The following DUSP15 variants were observed in gnomAD, a reference collection of about 807,000 sequenced individuals.
DUSP15 encodes the protein dual specificity phosphatase 15.
Under a neutral mutation model 26.3 loss-of-function variants are expected in DUSP15, and 23 were observed. The ratio of observed to expected loss-of-function variants is 0.87; its 90% CI spans 0.63 to 1.24. The LOEUF (loss-of-function observed/expected upper bound fraction) is 1.24. DUSP15 is among the 50% of genes most tolerant of loss of function. The probability of loss-of-function intolerance (pLI) is 0.00; values close to 1 mark genes in which losing one functional copy is unlikely to be tolerated. For synonymous variants in DUSP15, 143 were observed against 135.5 expected, an observed-to-expected ratio of 1.06 and a Z score of -0.39; for missense variants, 364 against 320.6, an observed-to-expected ratio of 1.14 and a Z score of -1.03.
At chr20:31,854,513 G>A (rs1365549439) in intron 6 of DUSP15, among the ~76,000 whole-genome samples, 1 of 152,178 alleles carries the variant, frequency 6.6e-6, no homozygotes, top group Non-Finnish European at 1.5e-5. Flanking sequence ...GACTAGAGGT[G>A]TATTGGTTTT....
At chr20:31,863,827 C>T in intron 5 of DUSP15, 80 bp downstream of exon 5, 1 of 1,419,918 alleles carries the variant, frequency 7.0e-7, no homozygotes, top group Non-Finnish European at 9.9e-7. Flanking sequence ...GTCCAACCTT[C>T]CCACAGGGGG....
chr20:31,869,220 G>T (rs2062850443), intron 2 of DUSP15, among the ~76,000 whole-genome samples: 1 of 152,240 alleles, frequency 6.6e-6, no homozygotes, highest in African/African-American at 2.4e-5. Flanking sequence ...TGAGGAGGAG[G>T]CTGAGGCTTA....
In DUSP15 at chr20:31,861,592, C is replaced by A. The variant is rs761499083; in HGVS notation, c.519G>T (p.Lys173Asn). 2.0e-6 allele frequency: 3 copies of A among 1,493,430 alleles called. No individual in the cohort carries two copies. Among genetic ancestry groups the A allele is most frequent in the South Asian group, 2.5e-5 (2 of 79,826 alleles). 92.5% of individuals were successfully genotyped at this position (1,493,430 alleles called of 1,614,324 possible). ...EELRALLPLCKRCRQGSATSA... is the reference protein window; with the variant it reads ...EELRALLPLCNRCRQGSATSA... Reference sequence around the variant, plus strand: ...AGGTCGCGGAGCCCTGCCGGCAGCGCTTGCACAGCGGCAGCAGCGCGCGCA... The same window carrying A: ...AGGTCGCGGAGCCCTGCCGGCAGCGATTGCACAGCGGCAGCAGCGCGCGCA... The change falls in exon 7 of 7, where the codon AAG (lysine) becomes AAT (asparagine). Residue 173 changes from lysine to asparagine, a missense_variant. Lys to Asn is a moderately conservative substitution (Grantham distance 94). Coordinates refer to ENST00000339738, the MANE Select transcript of DUSP15 (RefSeq NM_080611.5).
intron 5 of DUSP15, 112 bp downstream of exon 5, chr20:31,863,795 G>A: frequency 1.9e-6 from 2 of 1,065,924 alleles, no homozygotes; most frequent in South Asian, 2.9e-5. Context: ...CACTGTGACA[G>A]GCTGGAGAAG....
At position 31,864,937 on chromosome 20, in the gene DUSP15, A is replaced by T; in HGVS notation, c.188+16T>A. The T allele has an allele frequency of 6.2e-7, 1 of 1,612,512 alleles. No individual in the cohort carries two copies. The highest frequency in any genetic ancestry group is 8.5e-7 in the Non-Finnish European group (1 of 1,179,470). On this transcript the variant is annotated intron_variant, in intron 4 of 6. Coordinates refer to ENST00000339738, the MANE Select transcript of DUSP15 (RefSeq NM_080611.5). ...CAGCTGTCTGTCCATCTATGGGTCC[A>T]TCCAGGGGAACTTACATGGGTACCT...
intron 4 of DUSP15, among the ~76,000 whole-genome samples, chr20:31,864,730 A>G (rs1314985173): frequency 1.3e-5 from 2 of 152,252 alleles, no homozygotes. Flanking sequence ...TCCTTTTCCC[A>G]TTTCATAGCT....
rs2062789086 is a variant in DUSP15, at chr20:31,867,274, G to C, written c.56-121C>G. On this transcript the variant is annotated intron_variant, in intron 2 of 6. Transcript: ENST00000339738. ...ACCCCACCACTCCACCTTGGCCCACGCTCTGCCGGCTCCCTGATCCTCTTG... is the reference window on the plus strand; with the variant it reads ...ACCCCACCACTCCACCTTGGCCCACCCTCTGCCGGCTCCCTGATCCTCTTG... 7.6e-6 allele frequency: 6 copies of C among 785,290 alleles called. No individual in the cohort carries two copies. The East Asian group carries it at 1.6e-4, about 21-fold the overall frequency. The allele number at this position is 785,290 out of a possible 1,614,324, so 48.6% of individuals were successfully genotyped here.
chr20:31,867,013 A>T (rs1001249881), intron 3 of DUSP15, 58 bp downstream of exon 3: 3 of 1,480,692 alleles, frequency 2.0e-6, no homozygotes, highest in Non-Finnish European at 9.2e-7. Context: ...TAGATATTTG[A>T]TAAACAGGTC....
In DUSP15 at chr20:31,848,680, G is replaced by C. The variant is rs867082375; in HGVS notation, c.727-115C>G. 36 of 1,459,292 alleles carry C rather than the reference G, an allele frequency of 2.5e-5. No homozygotes were observed. The African/African-American group carries it at 4.4e-4, about 18-fold the overall frequency. 90.4% of individuals were successfully genotyped at this position (1,459,292 alleles called of 1,614,324 possible). ...ATCCCTACCCCCATTTTCCAGGTAGGGTCCTACAGACCCGAGGGTGCTAGA... is the reference window on the plus strand; with the variant it reads ...ATCCCTACCCCCATTTTCCAGGTAGCGTCCTACAGACCCGAGGGTGCTAGA... On this transcript the variant is annotated intron_variant, in intron 9 of 9. Transcript: ENST00000278979.
upstream of DUSP15, chr20:31,870,528 G>A: frequency 6.9e-7 from 1 of 1,446,820 alleles, no homozygotes; most frequent in Non-Finnish European, 9.1e-7. This position sits in a 1 kb window ranked among gnomAD's most constrained non-coding sequence, Gnocchi z 6.6. Flanking sequence ...GGAGGGAAAT[G>A]GTGGTGGAGC....
chr20:31,848,627 G>T, intron 9 of DUSP15: 1 of 1,489,964 alleles, frequency 6.7e-7, no homozygotes. Flanking sequence ...ATGTTCCCAT[G>T]GGAAGTCACA....
chr20:31,866,743 C>G (rs2062775023), intron 3 of DUSP15, among the ~76,000 whole-genome samples: 1 of 152,206 alleles, frequency 6.6e-6, no homozygotes, highest in Admixed American at 6.5e-5. Flanking sequence ...CCACAGTCAT[C>G]CATTTGGATT....
At position 31,867,631 on chromosome 20, in the gene DUSP15, G is replaced by GTTTT. The variant is rs57662463; in HGVS notation, c.56-482_56-479dup. Among the ~76,000 whole-genome samples the GTTTT allele has an allele frequency of 7.9e-3, 613 of 77,596 alleles. 49 individuals carry two copies. Among genetic ancestry groups the GTTTT allele is most frequent in the East Asian group, 0.017 (40 of 2,332 alleles). The allele number at this position is 77,596 out of a possible 152,430, so 50.9% of individuals were successfully genotyped here. A position where few individuals can be genotyped will look rare whatever the true frequency, so the allele number is the denominator to read the frequency against. ...GCTGATGTGCAATGATGCCCACAAT[G>GTTTT]TTTTTTTTTTTTTTTTTTTTTTTTT... On this transcript the variant is annotated intron_variant, in intron 2 of 6. Coordinates refer to ENST00000339738, the MANE Select transcript of DUSP15 (RefSeq NM_080611.5).
At position 31,848,409 on chromosome 20, in the gene DUSP15, G is replaced by T. The variant is rs771404423; in HGVS notation, c.883C>A (p.Arg295Ser). The T allele has an allele frequency of 6.2e-6, 10 of 1,611,358 alleles. No homozygotes were observed. In the East Asian group the frequency reaches 2.2e-4, roughly 36 times the overall value. ...CCCCCTGTTGGGGGCTGCCTTCAGCGGGTACAAGAAGAGGAAGCGGCTCGC... is the reference window on the plus strand; with the variant it reads ...CCCCCTGTTGGGGGCTGCCTTCAGCTGGTACAAGAAGAGGAAGCGGCTCGC... The change falls in exon 10 of 10, where the codon CGC (arginine) becomes AGC (serine). Residue 295 changes from arginine to serine, a missense_variant. Transcript: ENST00000278979.
chr20:31,846,281 G>A (rs1285924265), downstream of DUSP15, among the ~76,000 whole-genome samples: 2 of 144,870 alleles, frequency 1.4e-5, no homozygotes, highest in African/African-American at 5.1e-5. Context: ...GAAACACAGA[G>A]ACACAGACAC....
chr20:31,865,104 C>A, intron 3 of DUSP15, 102 bp from the exon 4 acceptor site: 1 of 1,307,232 alleles, frequency 7.6e-7, no homozygotes, highest in Non-Finnish European at 1.1e-6. Context: ...CCAGTTCCTG[C>A]CCTTCTCTGG....
chr20:31,869,082 T>A (rs1345747548), intron 2 of DUSP15, among the ~76,000 whole-genome samples: 1 of 152,152 alleles, frequency 6.6e-6, no homozygotes, highest in African/African-American at 2.4e-5. Flanking sequence ...GGACCTCTCC[T>A]CTGACAAGGA....
intron 2 of DUSP15, among the ~76,000 whole-genome samples, chr20:31,868,732 C>T (rs555068853): frequency 3.3e-5 from 5 of 152,220 alleles, no homozygotes; most frequent in South Asian, 2.1e-4. Flanking sequence ...TGCCCGCCTC[C>T]GCCTCCCAAA....
At chr20:31,846,217 CACACAGACACACACACAAGCACAT>C (rs901908645), downstream of DUSP15, among the ~76,000 whole-genome samples, 35 of 151,516 alleles carry the variant, frequency 2.3e-4, no homozygotes, top group Admixed American at 2.1e-3. Flanking sequence ...CATAGGCATA[CACACAGACACACACACAAGCACAT>C]ACACAGACAC....
Sources: allele counts gnomAD v4.1 joint callset (sites outside exome capture counted in the v4.1 genomes callset), GRCh38; gene constraint gnomAD v4.1.1; non-coding constraint Gnocchi (gnomAD v3.1); transcripts MANE v1.5; gene names NCBI Gene and HGNC (gene_info 2026-07-23, HGNC 2026-07-21).